UGT1A4: variants seen among roughly 807,000 people sequenced by gnomAD.
UGT1A4 encodes UDP glucuronosyltransferase family 1 member A4.
UGT1A4 carries 32 observed loss-of-function variants against 41.1 expected under a neutral mutation model. That is an observed-to-expected ratio of 0.78 (90% CI 0.59 to 1.05). The LOEUF is 1.05. Ranked by LOEUF, UGT1A4 falls within the 50% of genes least tolerant of loss-of-function variation. The pLI, the probability that UGT1A4 is intolerant of heterozygous loss-of-function variation, is 0.00. For missense variants in UGT1A4, 748 were observed against 677.4 expected (o/e 1.10, Z -1.16); for synonymous variants, 283 against 265.1 (o/e 1.07, Z -0.66).
At chr2:233,721,905 C>A in intron 1 of UGT1A4, 1 of 450,072 alleles carries the variant, frequency 2.2e-6, no homozygotes, top group Non-Finnish European at 4.4e-6. Context: ...CGAAATGGTG[C>A]ACACTGCTTC....
At chr2:233,732,709 C>T (rs540969589) in intron 1 of UGT1A4, among the ~76,000 whole-genome samples, 1 of 150,878 alleles carries the variant, frequency 6.6e-6, no homozygotes, top group Non-Finnish European at 1.5e-5. Context: ...GTTACTGTAG[C>T]CTTGTAGTAC....
chr2:233,728,370 T>C (rs2077707382), intron 1 of UGT1A4, among the ~76,000 whole-genome samples: 1 of 152,190 alleles, frequency 6.6e-6, no homozygotes. Flanking sequence ...GAACCCACCA[T>C]GGGTCTTTGC....
intron 1 of UGT1A4, among the ~76,000 whole-genome samples, chr2:233,761,626 A>C (rs1697818460): frequency 6.6e-6 from 1 of 152,238 alleles, no homozygotes; most frequent in Non-Finnish European, 1.5e-5. Flanking sequence ...TAAGAAGCTA[A>C]ATCCTGCAGT....
rs1249331325 is a variant in UGT1A4 at position 233,743,910 on chromosome 2, C to T, written c.868-23124C>T. ...GGCACGTCCAGCACCTCGTAGTAGT[C>T]CACCATGCTGGATGGCCAGAACGGC... On this transcript the variant is annotated intron_variant, in intron 1 of 4. Coordinates refer to ENST00000373409, the MANE Select transcript of UGT1A4 (RefSeq NM_007120.3). The T allele has an allele frequency of 1.3e-5, 18 of 1,365,836 alleles. No homozygotes were observed. In the South Asian group the frequency reaches 2.0e-4, roughly 16 times the overall value. The allele number at this position is 1,365,836 out of a possible 1,614,324, so 84.6% of individuals were successfully genotyped here.
chr2:233,743,662 G>T (rs34622615), intron 1 of UGT1A4: 40,924 of 1,367,182 alleles, frequency 0.03, 778 homozygotes, highest in African/African-American at 0.053. Flanking sequence ...ACTCGAAGGG[G>T]TCCTCGAAGG....
chr2:233,763,240 C>T (rs1698267751), intron 1 of UGT1A4, among the ~76,000 whole-genome samples: 1 of 152,140 alleles, frequency 6.6e-6, no homozygotes, highest in African/African-American at 2.4e-5. Flanking sequence ...TAAATTGTAC[C>T]TTTTAGTAAC....
At chr2:233,747,182 T>C (rs1414882979) in intron 1 of UGT1A4, 87 of 1,602,200 alleles carry the variant, frequency 5.4e-5, no homozygotes, top group South Asian at 4.3e-4. Flanking sequence ...CAGCGTGGGG[T>C]GGACAGTCAG....
intron 1 of UGT1A4, among the ~76,000 whole-genome samples, chr2:233,756,782 T>C (rs754462005): frequency 2.0e-5 from 3 of 152,090 alleles, no homozygotes; most frequent in Non-Finnish European, 4.4e-5. Context: ...CTTTGATAAA[T>C]TGTGGGGCAA....
At chr2:233,765,400 T>G (rs1698825297) in intron 1 of UGT1A4, among the ~76,000 whole-genome samples, 1 of 152,170 alleles carries the variant, frequency 6.6e-6, no homozygotes, top group Admixed American at 6.5e-5. Context: ...ATGTGGTACA[T>G]ATACACCATG....
intron 1 of UGT1A4, among the ~76,000 whole-genome samples, chr2:233,750,203 C>A (rs1694389786): frequency 6.6e-6 from 1 of 151,828 alleles, no homozygotes; most frequent in African/African-American, 2.4e-5. Context: ...GAAGTCCAGG[C>A]TGAGTCTCAG....
Position 233,747,654 on chromosome 2 carries a change from G to A in UGT1A4, c.868-19380G>A, listed in dbSNP as rs538867928. 1.4e-5 allele frequency: 22 copies of A among 1,591,158 alleles called. No individual in the cohort carries two copies. In the South Asian group the frequency reaches 2.4e-4, roughly 18 times the overall value. On this transcript the variant is annotated intron_variant, in intron 1 of 4. Coordinates refer to ENST00000373409, the MANE Select transcript of UGT1A4 (RefSeq NM_007120.3). ...GCACCTGAATGCTACTTCCTTCGAT[G>A]TGGTTTTAATAGACCCAATTTACCT...
chr2:233,752,781 C>T (rs1162563529), intron 1 of UGT1A4, among the ~76,000 whole-genome samples: 1 of 152,170 alleles, frequency 6.6e-6, no homozygotes, highest in African/African-American at 2.4e-5. Flanking sequence ...AATAACCAAA[C>T]AAGCTTTACA....
At chr2:233,744,714 G>C (rs1253738430) in intron 1 of UGT1A4, among the ~76,000 whole-genome samples, 4 of 151,880 alleles carry the variant, frequency 2.6e-5, no homozygotes, top group Non-Finnish European at 5.9e-5. Context: ...ACACTTGTGA[G>C]AGAATGACGG....
Position 233,769,314 on chromosome 2 carries a change from T to A in UGT1A4, c.1307+875T>A, listed in dbSNP as rs551966060. Among the ~76,000 whole-genome samples, 1 of 152,360 alleles carries A rather than the reference T, an allele frequency of 6.6e-6. No individual in the cohort carries two copies. The highest frequency in any genetic ancestry group is 2.1e-4 in the South Asian group (1 of 4,826). ...TAAAGTTAGTATATTACTGTCAAGC[T>A]CACTGGTAATAGGCTTATTAGAACC... is the stretch of plus-strand genomic sequence containing the variant. On this transcript the variant is annotated intron_variant, in intron 4 of 4. Coordinates refer to ENST00000373409, the MANE Select transcript of UGT1A4 (RefSeq NM_007120.3). This position sits in a 1 kb window ranked among gnomAD's most constrained non-coding sequence, Gnocchi z 4.4.
chr2:233,729,355 C>G lies in UGT1A4; in HGVS notation c.867+9668C>G. ...CATCAAAGAAGAGAACTTTTTCACC[C>G]TGACAACCTATGCCATTTCGTGGAC... On this transcript the variant is annotated intron_variant, in intron 1 of 4. Transcript: ENST00000373409. 6.2e-7 allele frequency: 1 copy of G among 1,614,166 alleles called. No individual in the cohort carries two copies. Among genetic ancestry groups the G allele is most frequent in the Non-Finnish European group, 8.5e-7 (1 of 1,180,000 alleles).
intron 1 of UGT1A4, among the ~76,000 whole-genome samples, chr2:233,724,119 G>A (rs1327289956): frequency 1.4e-4 from 15 of 110,060 alleles, no homozygotes; most frequent in South Asian, 3.2e-4. Context: ...GGGCAGAGGC[G>A]CCCCTCACCT....
At chr2:233,724,637 T>G (rs1254622802) in intron 1 of UGT1A4, among the ~76,000 whole-genome samples, 13 of 131,504 alleles carry the variant, frequency 9.9e-5, no homozygotes, top group African/African-American at 2.7e-4. Context: ...TTCCTAGATG[T>G]GATGGCGGCT....
At chr2:233,754,997 G>A in intron 1 of UGT1A4, 1 of 1,294,706 alleles carries the variant, frequency 7.7e-7, no homozygotes. Context: ...CACGGAAGCT[G>A]AAGACCTACT....
chr2:233,721,442 T>G (rs543362846), intron 1 of UGT1A4: 10 of 162,688 alleles, frequency 6.1e-5, no homozygotes, highest in Admixed American at 1.3e-4. Context: ...TTAATGTTGT[T>G]ATAGTGAGCA....
Sources: gnomAD v4.1 joint callset for allele counts (sites outside exome capture counted in the v4.1 genomes callset) on GRCh38, gnomAD v4.1.1 for gene constraint, Gnocchi (gnomAD v3.1) non-coding constraint, MANE v1.5 for transcripts, NCBI Gene and HGNC (gene_info 2026-07-23, HGNC 2026-07-21) for gene names.